Variants in LOC400499 observed in about 807,000 individuals in gnomAD.
the LOC400499 span, chr16:11,385,414 G>C: frequency 5.7e-6 from 7 of 1,232,166 alleles, no homozygotes; most frequent in African/African-American, 1.1e-4. Context: ...ACCAGGGCAT[G>C]GTCTGGGTAG....
At chr16:11,442,625 G>C in the LOC400499 span, 4 of 152,140 alleles carry the variant, frequency 2.6e-5, no homozygotes, top group Admixed American at 2.6e-4. Flanking sequence ...TTTGAGGCTT[G>C]GTGTGGTCAC....
chr16:11,415,584 C>A, the LOC400499 span, among the ~76,000 whole-genome samples: 1 of 152,208 alleles, frequency 6.6e-6, no homozygotes, highest in Non-Finnish European at 1.5e-5. Flanking sequence ...GCCACATGTA[C>A]CTACTACATG....
At chr16:11,460,293 C>CTGAA in the LOC400499 span, among the ~76,000 whole-genome samples, 1 of 152,176 alleles carries the variant, frequency 6.6e-6, no homozygotes, top group Non-Finnish European at 1.5e-5. Context: ...GCCTCCTGGG[C>CTGAA]TGAAGCGTTC....
chr16:11,462,375 G>C, the LOC400499 span: 1 of 1,399,682 alleles, frequency 7.1e-7, no homozygotes. Context: ...CACGAACTGG[G>C]ACCAGACAGG....
At chr16:11,440,997 C>A in the LOC400499 span, 1 of 399,096 alleles carries the variant, frequency 2.5e-6, no homozygotes. Context: ...ATGCTGAGAT[C>A]TGTCATGATG....
At chr16:11,436,117 T>G in the LOC400499 span, among the ~76,000 whole-genome samples, 2 of 152,140 alleles carry the variant, frequency 1.3e-5, no homozygotes, top group Non-Finnish European at 2.9e-5. Flanking sequence ...TTCCACCACA[T>G]GTGAAATGGG....
the LOC400499 span, among the ~76,000 whole-genome samples, chr16:11,463,642 G>A: frequency 6.6e-6 from 1 of 152,174 alleles, no homozygotes; most frequent in African/African-American, 2.4e-5. Flanking sequence ...ATGTCTACAC[G>A]TGGATTGTGT....
the LOC400499 span, chr16:11,471,393 T>C: frequency 2.0e-4 from 69 of 344,680 alleles, 1 homozygote; most frequent in South Asian, 9.5e-3. Flanking sequence ...AAGAATATGA[T>C]GTGCTCTGGG....
At chr16:11,511,443 C>T in the LOC400499 span, among the ~76,000 whole-genome samples, 1 of 152,078 alleles carries the variant, frequency 6.6e-6, no homozygotes, top group Non-Finnish European at 1.5e-5. Context: ...GTTCTGACTC[C>T]AAAGCCTCCT....
chr16:11,460,902 T>C, the LOC400499 span: 2 of 1,462,784 alleles, frequency 1.4e-6, no homozygotes, highest in African/African-American at 2.8e-5. Flanking sequence ...GCCACAGCCC[T>C]AGGAAACAGG....
At chr16:11,520,744 G>T in the LOC400499 span, among the ~76,000 whole-genome samples, 1 of 151,602 alleles carries the variant, frequency 6.6e-6, no homozygotes, top group Admixed American at 6.6e-5. Context: ...GGCTCTGGGG[G>T]TTATATTTTG....
the LOC400499 span, among the ~76,000 whole-genome samples, chr16:11,397,793 GGGAGGGATGGACGGAC>G: frequency 7.1e-6 from 1 of 139,932 alleles, no homozygotes; most frequent in Non-Finnish European, 1.5e-5. Context: ...GAGGGAGGGA[GGGAGGGATGGACGGAC>G]GGATGAATGG....
the LOC400499 span, among the ~76,000 whole-genome samples, chr16:11,395,496 C>T: frequency 6.6e-6 from 1 of 152,186 alleles, no homozygotes; most frequent in Non-Finnish European, 1.5e-5. Context: ...AAGTGACAGT[C>T]AGTCCCGGAG....
At chr16:11,503,510 C>T in the LOC400499 span, among the ~76,000 whole-genome samples, 2 of 152,324 alleles carry the variant, frequency 1.3e-5, no homozygotes, top group East Asian at 1.9e-4. Context: ...ATACTTTCCC[C>T]AGGCTTGGCC....
chr16:11,389,299 G>C, the LOC400499 span, among the ~76,000 whole-genome samples: 1 of 152,182 alleles, frequency 6.6e-6, no homozygotes, highest in East Asian at 1.9e-4. Flanking sequence ...TATAGCTCAG[G>C]GGTGGTAAAT....
At chr16:11,426,818 G>A in the LOC400499 span, among the ~76,000 whole-genome samples, 1 of 148,764 alleles carries the variant, frequency 6.7e-6, no homozygotes, top group Non-Finnish European at 1.5e-5. Flanking sequence ...AGCTACTTGG[G>A]AGGCTAAGGC....
At chr16:11,468,638 C>T in the LOC400499 span, among the ~76,000 whole-genome samples, 1 of 151,728 alleles carries the variant, frequency 6.6e-6, no homozygotes, top group Admixed American at 6.6e-5. Context: ...TTCTTTCTTT[C>T]TTTTTTTGAG....
At chr16:11,520,662 A>G in the LOC400499 span, among the ~76,000 whole-genome samples, 1 of 88,586 alleles carries the variant, frequency 1.1e-5, no homozygotes, top group Non-Finnish European at 2.0e-5. Context: ...GTGAGACTCC[A>G]TCAAAAAAAA....
chr16:11,410,768 C>G, the LOC400499 span, among the ~76,000 whole-genome samples: 1 of 152,262 alleles, frequency 6.6e-6, no homozygotes, highest in South Asian at 2.1e-4. Flanking sequence ...GGCATGCCCT[C>G]CAGGAGCTCC....
Sources: allele counts gnomAD v4.1 joint callset (sites outside exome capture counted in the v4.1 genomes callset), GRCh38; gene constraint gnomAD v4.1.1; transcripts MANE v1.5.